Variants in CEP350 observed in about 807,000 individuals in gnomAD.
The protein encoded by CEP350 is centrosome-associated protein 350.
A neutral mutation model predicts 331.8 loss-of-function variants in CEP350; 126 were observed. The ratio of observed to expected loss-of-function variants is 0.38; its 90% confidence interval spans 0.33 to 0.44. The LOEUF is 0.44. Among genes scored for constraint, CEP350 ranks in the 20% least tolerant of loss-of-function variants. The probability of loss-of-function intolerance (pLI) is 1.00; values close to 1 mark genes in which losing one functional copy is unlikely to be tolerated. For missense variants in CEP350, 3,406 were observed against 3,634.6 expected (o/e 0.94, Z 1.62); for synonymous variants, 1,200 against 1,259.5 (o/e 0.95, Z 1.00).
chr1:180,018,716 C>T (rs1223949630), intron 11 of CEP350, among the ~76,000 whole-genome samples: 6 of 152,210 alleles, frequency 3.9e-5, no homozygotes, highest in Non-Finnish European at 8.8e-5. Flanking sequence ...AAATTCATCT[C>T]ATAATTTGGT....
chr1:180,038,046 T>G (rs1016023517), intron 17 of CEP350, among the ~76,000 whole-genome samples: 1 of 152,242 alleles, frequency 6.6e-6, no homozygotes, highest in Non-Finnish European at 1.5e-5. Flanking sequence ...AGTTGACTTA[T>G]GCCCATTTTC....
rs1206674405 is a variant in CEP350 at position 179,996,824 on chromosome 1, G to A, written c.667G>A (p.Glu223Lys). The A allele has an allele frequency of 6.2e-7, 1 of 1,613,624 alleles. No individual in the cohort carries two copies. The highest frequency in any genetic ancestry group is 2.2e-5 in the East Asian group (1 of 44,884). ...IRMGASMRTE[E>K]EMPNRTKGSE... ...GATGGGAGCTTCTATGAGAACTGAGGAAGAAATGCCTAACAGAACAAAAGG... is the reference window on the plus strand; with the variant it reads ...GATGGGAGCTTCTATGAGAACTGAGAAAGAAATGCCTAACAGAACAAAAGG... The change falls in exon 6 of 38, where the codon GAA becomes AAA. Residue 223 changes from glutamate to lysine, a missense_variant. Glu to Lys is a moderately conservative substitution (Grantham distance 56, BLOSUM62 1). Transcript: ENST00000367607.
At chr1:180,029,454 G>A (rs550569600) in intron 14 of CEP350, among the ~76,000 whole-genome samples, 1 of 152,228 alleles carries the variant, frequency 6.6e-6, no homozygotes, top group South Asian at 2.1e-4. Context: ...ATCCTAAATA[G>A]ACTTTATAGA....
chr1:180,074,764 G>T (rs1659117696), intron 27 of CEP350, among the ~76,000 whole-genome samples: 2 of 152,096 alleles, frequency 1.3e-5, no homozygotes, highest in African/African-American at 4.8e-5. Context: ...TATTCTGAAG[G>T]TTTTTTTCCT....
chr1:179,968,892 T>C, intron 1 of CEP350: 1 of 753,812 alleles, frequency 1.3e-6, no homozygotes, highest in Non-Finnish European at 2.4e-6. Context: ...GCAGAAATAC[T>C]GGCCAGAAGG....
rs568514551 is a variant in CEP350 at position 180,033,651 on chromosome 1, C to T, written c.3726-211C>T. ...ATTGTATTTAGGGCAGGGTTTGTGC[C>T]TTGCTTGTTCACCACTGTAATTCTA... On this transcript the variant is annotated intron_variant, in intron 15 of 37. Coordinates refer to ENST00000367607, the MANE Select transcript of CEP350 (RefSeq NM_014810.5). 3.2e-4 allele frequency among the ~76,000 whole-genome samples: 48 copies of T among 152,232 alleles called. No individual in the cohort carries two copies. In the South Asian group the frequency reaches 9.7e-3, roughly 31 times the overall value.
rs781295970 is a variant in CEP350, at chr1:180,092,922, G to A, written c.6817G>A (p.Asp2273Asn). ...AAAATTGAAGAAGAGTAAGATTGAA[G>A]ATGCCTTTTCTAAAGAAGGTAAATC... ...YTKLKKSKIE[D>N]AFSKEGKSDV... The change falls in exon 34 of 38, where the codon GAT (aspartate) becomes AAT (asparagine). Residue 2273 changes from aspartate (D) to asparagine (N), a missense_variant. Around this residue, in one of 5 missense-constraint regions of CEP350, gnomAD observed 1,415 missense variants for 1,512.3 expected, o/e 0.94. Transcript: ENST00000367607. The A allele has an allele frequency of 2.0e-5, 31 of 1,580,982 alleles. No individual in the cohort carries two copies. In the Admixed American group the frequency reaches 5.6e-4, roughly 29 times the overall value.
chr1:180,072,131 T>C (rs1221588288), intron 27 of CEP350, among the ~76,000 whole-genome samples: 1 of 152,202 alleles, frequency 6.6e-6, no homozygotes, highest in Non-Finnish European at 1.5e-5. Context: ...TATAAGGATG[T>C]ATTTATATTT....
rs1265925460 is a variant in CEP350, at chr1:180,032,543, T to A, written c.3725+1049T>A. Reference sequence around the variant, plus strand: ...AATGCCCCATACTGCAATCTAGATTTCCCCTTCCCTACCCATGGAGATTCA... The same window carrying A: ...AATGCCCCATACTGCAATCTAGATTACCCCTTCCCTACCCATGGAGATTCA... On this transcript the variant is annotated intron_variant, in intron 15 of 37. Transcript: ENST00000367607. Among the ~76,000 whole-genome samples, 3 of 152,068 alleles carry A rather than the reference T, an allele frequency of 2.0e-5. 1 individual carries two copies. Among genetic ancestry groups the A allele is most frequent in the African/African-American group, 7.2e-5 (3 of 41,436 alleles).
In CEP350 at chr1:179,955,147, G is replaced by A; in HGVS notation, c.-14+5G>A. 1 of 1,450,420 alleles carries A rather than the reference G, an allele frequency of 6.9e-7. No homozygotes were observed. The highest frequency in any genetic ancestry group is 1.8e-4 in the Middle Eastern group (1 of 5,536). The allele number at this position is 1,450,420 out of a possible 1,614,324, so 89.8% of individuals were successfully genotyped here. On this transcript the variant is annotated splice_donor_5th_base_variant and intron_variant, in intron 1 of 37. Transcript: ENST00000367607. The stretch of plus-strand genomic sequence containing the variant: ...GGGCGGAGGCGACACTCTCAGGTGA[G>A]CTCCTGTAGGACCTGGCTGGGACCG...
chr1:180,043,963 T>TC, intron 20 of CEP350, 88 bp from the exon 21 acceptor site: 1 of 1,128,984 alleles, frequency 8.9e-7, no homozygotes, highest in Non-Finnish European at 1.2e-6. Flanking sequence ...TGTTCAAGAT[T>TC]TTATCTCATA....
chr1:180,098,714 C>T (rs945472401), intron 36 of CEP350, 149 bp from the exon 37 acceptor site: 3 of 612,192 alleles, frequency 4.9e-6, no homozygotes, highest in African/African-American at 3.7e-5. Flanking sequence ...CTTCAAATTG[C>T]TATGTGGAAC....
At chr1:180,100,028 C>T (rs899659245) in intron 37 of CEP350, among the ~76,000 whole-genome samples, 1 of 152,146 alleles carries the variant, frequency 6.6e-6, no homozygotes, top group Non-Finnish European at 1.5e-5. Flanking sequence ...ACAAGTGATC[C>T]GCCTGCCTTG....
intron 1 of CEP350, among the ~76,000 whole-genome samples, chr1:179,979,972 C>T (rs1054835446): frequency 2.0e-5 from 3 of 152,044 alleles, no homozygotes; most frequent in Admixed American, 2.0e-4. Context: ...AGTGTGATGC[C>T]ACCAGGTTTG....
In CEP350 at chr1:180,113,265, T is replaced by G. The variant is rs1183944853; in HGVS notation, c.*2104T>G. The G allele has an allele frequency of 6.6e-6, 1 of 152,178 alleles. No individual in the cohort carries two copies. The highest frequency in any genetic ancestry group is 2.4e-5 in the African/African-American group (1 of 41,442). The allele number at this position is 152,178 out of a possible 1,614,324, so 9.4% of individuals were successfully genotyped here. On this transcript the variant is annotated 3_prime_UTR_variant, in exon 38 of 38. Transcript: ENST00000367607. ...CTGCTGTAAATTTTTTATAAATGAA[T>G]TTCAAAATGTTATAATGGGACTGTA...
chr1:180,062,476 G>C lies in CEP350; in HGVS notation c.5409+110G>C, dbSNP rs189020433. ...CATTCAAGCAGTATGATACAATAAT[G>C]AACTAGGATAAAGTTCTATGGATGG... On this transcript the variant is annotated intron_variant, in intron 26 of 37. Coordinates refer to ENST00000367607, the MANE Select transcript of CEP350 (RefSeq NM_014810.5). The C allele has an allele frequency of 5.4e-6, 7 of 1,298,612 alleles. No homozygotes were observed. In the African/African-American group the frequency reaches 9.1e-5, roughly 17 times the overall value. 80.4% of individuals were successfully genotyped at this position (1,298,612 alleles called of 1,614,324 possible).
At chr1:179,987,133 G>GT (rs2148668967) in intron 2 of CEP350, 107 bp from the exon 3 acceptor site, 1 of 633,130 alleles carries the variant, frequency 1.6e-6, no homozygotes. Context: ...TAATAAGGTA[G>GT]TTTTCAGACT....
chr1:180,050,092 A>G (rs1175347550), intron 22 of CEP350, among the ~76,000 whole-genome samples: 1 of 152,234 alleles, frequency 6.6e-6, no homozygotes, highest in Non-Finnish European at 1.5e-5. Flanking sequence ...CAGGGCAGCC[A>G]CTATCCAAAG....
At chr1:180,064,309 C>T (rs4147169) in intron 26 of CEP350, among the ~76,000 whole-genome samples, 86,026 of 151,826 alleles carry the variant, frequency 0.57, 26,268 homozygotes, top group East Asian at 0.72. Context: ...TCATCCTACT[C>T]AGGTTCTGAG....
Sources: allele counts gnomAD v4.1 joint callset (sites outside exome capture counted in the v4.1 genomes callset), GRCh38; gene constraint gnomAD v4.1.1; regional missense constraint gnomAD v4.1.1; transcripts MANE v1.5; gene names NCBI Gene and HGNC (gene_info 2026-07-23, HGNC 2026-07-21).